The following FGF10 variants were observed in gnomAD, a reference collection of about 807,000 sequenced individuals.
FGF10 encodes the protein FGF-10.
Under a neutral mutation model 19.8 loss-of-function variants are expected in FGF10, and 2 were observed. The observed-to-expected ratio is 0.10, with a 90% confidence interval of 0.04 to 0.32. The LOEUF is 0.32. FGF10 is among the 10% of genes least tolerant of loss of function. FGF10 has a pLI of 1.00. For missense variants in FGF10, 191 were observed against 246.3 expected, an observed-to-expected ratio of 0.78 and a Z score of 1.50; for synonymous variants, 112 against 94.0, an observed-to-expected ratio of 1.19 and a Z score of -1.10.
Position 44,388,299 on chromosome 5 carries a change from C to T in FGF10, c.325+59G>A. The T allele has an allele frequency of 2.0e-6, 3 of 1,517,474 alleles. 1 individual carries two copies. Among genetic ancestry groups the T allele is most frequent in the Non-Finnish European group, 2.7e-6 (3 of 1,093,824 alleles). 94.0% of individuals were successfully genotyped at this position (1,517,474 alleles called of 1,614,324 possible). A position where few individuals can be genotyped will look rare whatever the true frequency, so the allele number is the denominator to read the frequency against. ...GGCCACATCTGGAACAGATTTTTCC[C>T]CCCCGTGTGGGCTGGGGGTGGATAA... On this transcript the variant is annotated intron_variant, in intron 1 of 2. Transcript: ENST00000264664.
intron 1 of FGF10, among the ~76,000 whole-genome samples, chr5:44,336,583 CAT>C (rs1312535576): frequency 6.6e-6 from 1 of 152,140 alleles, no homozygotes; most frequent in East Asian, 1.9e-4. Flanking sequence ...ACAGAAAGAC[CAT>C]ATAGAGCAAT....
At chr5:44,376,518 C>CAAAAAAAAAAAAAAAAAAAAAAAAAA (rs1265124775) in intron 1 of FGF10, among the ~76,000 whole-genome samples, 1 of 72,694 alleles carries the variant, frequency 1.4e-5, no homozygotes. Flanking sequence ...AAAAAAAAAA[C>CAAAAAAAAAAAAAAAAAAAAAAAAAA]AAAAAACCCA....
chr5:44,372,737 C>T (rs1404804144), intron 1 of FGF10, among the ~76,000 whole-genome samples: 1 of 152,112 alleles, frequency 6.6e-6, no homozygotes, highest in Non-Finnish European at 1.5e-5. Context: ...GTAGAACAAG[C>T]GTAGTATAAC....
intron 1 of FGF10, among the ~76,000 whole-genome samples, chr5:44,316,931 A>G (rs532736104): frequency 6.6e-6 from 1 of 152,164 alleles, no homozygotes; most frequent in South Asian, 2.1e-4. Flanking sequence ...TCAAAGGGCT[A>G]ACTGTGTTAA....
At chr5:44,362,140 A>T (rs1180145988) in intron 1 of FGF10, among the ~76,000 whole-genome samples, 1 of 151,670 alleles carries the variant, frequency 6.6e-6, no homozygotes, top group Non-Finnish European at 1.5e-5. Flanking sequence ...TGGCTCTGCT[A>T]TTTACCATCT....
chr5:44,308,327 T>C (rs1385807046), intron 2 of FGF10, among the ~76,000 whole-genome samples: 1 of 152,206 alleles, frequency 6.6e-6, no homozygotes, highest in East Asian at 1.9e-4. Context: ...TGTCATGTTT[T>C]TAAATAAGTA....
intron 1 of FGF10, among the ~76,000 whole-genome samples, chr5:44,381,805 C>T (rs1028265170): frequency 7.2e-5 from 11 of 152,110 alleles, no homozygotes; most frequent in African/African-American, 2.2e-4. Flanking sequence ...TTGCAGCAAT[C>T]CCACACTATT....
intron 1 of FGF10, among the ~76,000 whole-genome samples, chr5:44,339,794 C>G (rs942561097): frequency 1.3e-5 from 2 of 152,110 alleles, no homozygotes; most frequent in Admixed American, 6.6e-5. Context: ...CTTATTATCT[C>G]AGACAAAGGA....
rs912745962 is a variant in FGF10, at chr5:44,304,640, G to A, written c.*355C>T. 8 of 264,644 alleles carry A rather than the reference G, an allele frequency of 3.0e-5. No individual in the cohort carries two copies. Among genetic ancestry groups the A allele is most frequent in the African/African-American group, 8.9e-5 (4 of 44,784 alleles). The allele number at this position is 264,644 out of a possible 1,614,324, so 16.4% of individuals were successfully genotyped here. On this transcript the variant is annotated 3_prime_UTR_variant, in exon 3 of 3. Coordinates refer to ENST00000264664, the MANE Select transcript of FGF10 (RefSeq NM_004465.2). ...TTCGTATTCCATAAATAACTTTCCCGAAGATCGTTCTTTCAACAGATTGTT... is the reference window on the plus strand; with the variant it reads ...TTCGTATTCCATAAATAACTTTCCCAAAGATCGTTCTTTCAACAGATTGTT...
intron 1 of FGF10, among the ~76,000 whole-genome samples, chr5:44,377,732 A>C (rs577835102): frequency 1.3e-5 from 2 of 152,342 alleles, no homozygotes; most frequent in African/African-American, 4.8e-5. Flanking sequence ...TGGAATTTTC[A>C]GTTTTTGAAA....
At chr5:44,352,304 TG>T (rs1480955144) in intron 1 of FGF10, among the ~76,000 whole-genome samples, 9 of 151,752 alleles carry the variant, frequency 5.9e-5, no homozygotes, top group Non-Finnish European at 1.0e-4. Context: ...TTGTACACAA[TG>T]CAAAAGCTGC....
At chr5:44,355,969 G>A (rs1168097368) in intron 1 of FGF10, among the ~76,000 whole-genome samples, 1 of 151,390 alleles carries the variant, frequency 6.6e-6, no homozygotes, top group Non-Finnish European at 1.5e-5. Flanking sequence ...AGAGCGAGGT[G>A]AAATTGTTAC....
chr5:44,362,421 A>G (rs961998524), intron 1 of FGF10, among the ~76,000 whole-genome samples: 3 of 151,242 alleles, frequency 2.0e-5, no homozygotes, highest in Non-Finnish European at 4.4e-5. Context: ...CTGTTATTCT[A>G]GCACTCACTG....
At chr5:44,357,694 C>T (rs759409587) in intron 1 of FGF10, among the ~76,000 whole-genome samples, 11 of 151,414 alleles carry the variant, frequency 7.3e-5, no homozygotes, top group Non-Finnish European at 1.5e-5. Context: ...TTTTGCCTCT[C>T]TTTGTGAGGT....
At chr5:44,383,026 A>G (rs1413431262) in intron 1 of FGF10, among the ~76,000 whole-genome samples, 1 of 152,132 alleles carries the variant, frequency 6.6e-6, no homozygotes, top group Non-Finnish European at 1.5e-5. Flanking sequence ...TAATAAAGAA[A>G]TATCATTTGC....
chr5:44,331,386 T>C (rs1740733476), intron 1 of FGF10, among the ~76,000 whole-genome samples: 1 of 152,140 alleles, frequency 6.6e-6, no homozygotes, highest in African/African-American at 2.4e-5. Context: ...AAACTTCATG[T>C]GATTTTAGGC....
intron 1 of FGF10, among the ~76,000 whole-genome samples, chr5:44,386,935 G>T (rs1742111816): frequency 6.6e-6 from 1 of 152,140 alleles, no homozygotes; most frequent in Non-Finnish European, 1.5e-5. Flanking sequence ...TTAGTACCTG[G>T]TACTTTCTAA....
chr5:44,376,490 C>CAAAAAAAAAAAAAAAAAAAAAAAAA lies in FGF10; in HGVS notation c.325+11843_325+11867dup, dbSNP rs764913349. On this transcript the variant is annotated intron_variant, in intron 1 of 2. Transcript: ENST00000264664. The stretch of plus-strand genomic sequence containing the variant: ...CTAAGACAAGTTAGAATACAAATGC[C>CAAAAAAAAAAAAAAAAAAAAAAAAA]AAAAAAAAAAAAAAAAAAAAAAAAA... Among the ~76,000 whole-genome samples the CAAAAAAAAAAAAAAAAAAAAAAAAA allele has an allele frequency of 1.1e-3, 38 of 34,542 alleles. 6 individuals carry two copies. The highest frequency in any genetic ancestry group is 3.5e-3 in the South Asian group (2 of 570). 22.7% of individuals were successfully genotyped at this position (34,542 alleles called of 152,430 possible).
chr5:44,370,396 T>C (rs923721391), intron 1 of FGF10, among the ~76,000 whole-genome samples: 4 of 152,146 alleles, frequency 2.6e-5, no homozygotes, highest in African/African-American at 9.6e-5. Flanking sequence ...AATCCTTGAA[T>C]GGCACTGGGG....
Sources: allele counts gnomAD v4.1 joint callset (sites outside exome capture counted in the v4.1 genomes callset), GRCh38; gene constraint gnomAD v4.1.1; transcripts MANE v1.5; gene names NCBI Gene and HGNC (gene_info 2026-07-23, HGNC 2026-07-21).